Variants in TAF3 observed in about 807,000 individuals in gnomAD.
The protein encoded by TAF3 is TATA-box binding protein associated factor 3.
In TAF3, 7 loss-of-function variants were observed where a neutral mutation model predicts 80.6. The observed-to-expected ratio is 0.09, with a 90% CI of 0.05 to 0.16. TAF3 has a LOEUF of 0.16. Among genes scored for constraint, TAF3 ranks in the 10% least tolerant of loss-of-function variants. The probability of loss-of-function intolerance (pLI) is 1.00; values close to 1 mark genes in which losing one functional copy is unlikely to be tolerated. For missense variants in TAF3, 921 were observed against 1,140.2 expected, an observed-to-expected ratio of 0.81 and a Z score of 2.77; for synonymous variants, 444 against 446.1, an observed-to-expected ratio of 1.00 and a Z score of 0.06.
chr10:7,845,154 G>A (rs1156266534), intron 2 of TAF3, among the ~76,000 whole-genome samples: 1 of 151,680 alleles, frequency 6.6e-6, no homozygotes, highest in Non-Finnish European at 1.5e-5. Context: ...ATTTCAAAGT[G>A]TATTGTTTTT....
intron 4 of TAF3, among the ~76,000 whole-genome samples, chr10:7,986,741 T>C (rs2131425477): frequency 6.6e-6 from 1 of 152,260 alleles, no homozygotes; most frequent in South Asian, 2.1e-4. Context: ...AAGAAGTCCA[T>C]ATCCTTATTC....
chr10:7,828,755 T>C (rs1836767958), intron 2 of TAF3, among the ~76,000 whole-genome samples: 1 of 151,888 alleles, frequency 6.6e-6, no homozygotes, highest in Non-Finnish European at 1.5e-5. Flanking sequence ...AAATATAGGC[T>C]GGGCGCAGTG....
At position 7,941,589 on chromosome 10, in the gene TAF3, T is replaced by C. The variant is rs551883784; in HGVS notation, c.410-22331T>C. Among the ~76,000 whole-genome samples, 8 of 152,344 alleles carry C rather than the reference T, an allele frequency of 5.3e-5. No individual in the cohort carries two copies. The South Asian group carries it at 1.7e-3, about 32-fold the overall frequency. ...GAGCCACTGCCCTCTGCTTCGCCAC[T>C]GCCTCACTGTATCCTCATCATCCTG... On this transcript the variant is annotated intron_variant, in intron 2 of 6. Transcript: ENST00000344293.
intron 2 of TAF3, among the ~76,000 whole-genome samples, chr10:7,918,081 G>C (rs1837728898): frequency 6.6e-6 from 1 of 152,200 alleles, no homozygotes; most frequent in Non-Finnish European, 1.5e-5. Context: ...GCTCATGGAT[G>C]GTTAGTGTGG....
intron 2 of TAF3, among the ~76,000 whole-genome samples, chr10:7,842,879 A>T (rs1389209440): frequency 6.6e-6 from 1 of 152,214 alleles, no homozygotes; most frequent in Non-Finnish European, 1.5e-5. Flanking sequence ...TTCCTGAAAA[A>T]TCTCAGCACT....
intron 2 of TAF3, among the ~76,000 whole-genome samples, chr10:7,940,619 A>G (rs2131205610): frequency 1.3e-5 from 2 of 152,322 alleles, no homozygotes; most frequent in South Asian, 4.1e-4. Context: ...TATTTGAGAC[A>G]GTTCTTGTAA....
chr10:7,884,009 A>G (rs1014228983), intron 2 of TAF3, among the ~76,000 whole-genome samples: 3 of 152,142 alleles, frequency 2.0e-5, no homozygotes, highest in South Asian at 2.1e-4. Flanking sequence ...TTAGAAAGCC[A>G]CCAGTCCCAC....
At chr10:7,973,227 T>C (rs530959443) in intron 3 of TAF3, among the ~76,000 whole-genome samples, 7 of 152,206 alleles carry the variant, frequency 4.6e-5, no homozygotes, top group Non-Finnish European at 8.8e-5. Flanking sequence ...TTGGGTGTTA[T>C]GGTAATAAAA....
Position 7,965,851 on chromosome 10 carries a change from T to A in TAF3, c.2232+109T>A, listed in dbSNP as rs115792039. On this transcript the variant is annotated intron_variant, in intron 3 of 6. Coordinates refer to ENST00000344293, the MANE Select transcript of TAF3 (RefSeq NM_031923.4). The stretch of plus-strand genomic sequence containing the variant: ...ATTCTGGGTGTAAATCACCCATCAC[T>A]TAAGTGGAAATATGTTTATAATGAG... 8.3e-4 allele frequency: 1,134 copies of A among 1,368,320 alleles called. 10 individuals are homozygous for A. In the African/African-American group the frequency reaches 0.015, roughly 18 times the overall value. 84.8% of individuals were successfully genotyped at this position (1,368,320 alleles called of 1,614,324 possible).
intron 2 of TAF3, among the ~76,000 whole-genome samples, chr10:7,890,826 A>C (rs1324495875): frequency 6.6e-6 from 1 of 152,130 alleles, no homozygotes. Context: ...GTCTATATCA[A>C]CTCTTTCCAA....
At chr10:7,878,875 A>G (rs1293114289) in intron 2 of TAF3, among the ~76,000 whole-genome samples, 1 of 151,942 alleles carries the variant, frequency 6.6e-6, no homozygotes, top group African/African-American at 2.4e-5. Flanking sequence ...CCACAGGCAC[A>G]CACCACCACA....
At chr10:7,951,797 A>G (rs1438625388) in intron 2 of TAF3, among the ~76,000 whole-genome samples, 1 of 152,190 alleles carries the variant, frequency 6.6e-6, no homozygotes, top group Non-Finnish European at 1.5e-5. Context: ...TGTTAACCCA[A>G]ACTGGCATTA....
intron 2 of TAF3, among the ~76,000 whole-genome samples, chr10:7,883,768 A>G (rs1238465110): frequency 1.3e-5 from 2 of 152,190 alleles, no homozygotes. Flanking sequence ...TACTCAGTAT[A>G]TTATACTCTT....
intron 2 of TAF3, among the ~76,000 whole-genome samples, chr10:7,887,847 A>G (rs1294194637): frequency 6.6e-6 from 1 of 152,074 alleles, no homozygotes; most frequent in Admixed American, 6.5e-5. Context: ...AACAAATTAT[A>G]GAATTGGAAA....
At position 8,016,555 on chromosome 10, in the gene TAF3, A is replaced by G. The variant is rs1328243709; in HGVS notation, c.*1804A>G. 1 of 152,156 alleles carries G rather than the reference A, an allele frequency of 6.6e-6. No homozygotes were observed. Among genetic ancestry groups the G allele is most frequent in the Non-Finnish European group, 1.5e-5 (1 of 68,034 alleles). The allele number at this position is 152,156 out of a possible 1,614,324, so 9.4% of individuals were successfully genotyped here. A position where few individuals can be genotyped will look rare whatever the true frequency, so the allele number is the denominator to read the frequency against. ...TTTATACAATATTTTCACATGCACA[A>G]AAATGCGCGTTAGTGGTTTTTGGAG... On this transcript the variant is annotated 3_prime_UTR_variant, in exon 7 of 7. Transcript: ENST00000344293.
At position 7,979,768 on chromosome 10, in the gene TAF3, G is replaced by T. The variant is rs1413208799; in HGVS notation, c.2315+2445G>T. On this transcript the variant is annotated intron_variant, in intron 4 of 6. Transcript: ENST00000344293. Reference sequence around the variant, plus strand: ...AAGAGGACTAAATCTAATAGTAATAGAATTTTATGTAAAATAAAACTTATT... The same window carrying T: ...AAGAGGACTAAATCTAATAGTAATATAATTTTATGTAAAATAAAACTTATT... Among the ~76,000 whole-genome samples the T allele has an allele frequency of 4.6e-5, 6 of 129,246 alleles. No homozygotes were observed. In the East Asian group the frequency reaches 1.3e-3, roughly 29 times the overall value. 84.8% of individuals were successfully genotyped at this position (129,246 alleles called of 152,430 possible).
chr10:7,870,618 T>A (rs1215169330), intron 2 of TAF3, among the ~76,000 whole-genome samples: 1 of 152,226 alleles, frequency 6.6e-6, no homozygotes, highest in Non-Finnish European at 1.5e-5. Flanking sequence ...TGGTAACTTG[T>A]TAAACTTCTA....
In TAF3 at chr10:7,841,958, A is replaced by G. The variant is rs372962729; in HGVS notation, c.409+17398A>G. On this transcript the variant is annotated intron_variant, in intron 2 of 6. Coordinates refer to ENST00000344293, the MANE Select transcript of TAF3 (RefSeq NM_031923.4). ...GTACCCAGGGCAGACTTGGTTGCTT[A>G]TGTTAAGGGCAGCAGGTACACTTGC... is the stretch of plus-strand genomic sequence containing the variant. Among the ~76,000 whole-genome samples the G allele has an allele frequency of 1.6e-4, 25 of 152,200 alleles. No individual in the cohort carries two copies. The East Asian group carries it at 1.9e-3, about 12-fold the overall frequency.
chr10:7,873,696 C>A (rs116530973), intron 2 of TAF3, among the ~76,000 whole-genome samples: 1,716 of 143,834 alleles, frequency 0.012, 34 homozygotes, highest in African/African-American at 0.043. Flanking sequence ...CGTCATAAAG[C>A]AGATGGGACC....
Sources: gnomAD v4.1 joint callset for allele counts (sites outside exome capture counted in the v4.1 genomes callset) on GRCh38, gnomAD v4.1.1 for gene constraint, MANE v1.5 for transcripts, NCBI Gene and HGNC (gene_info 2026-07-23, HGNC 2026-07-21) for gene names.